Variants in CDH18 observed in about 807,000 individuals in gnomAD.
CDH18 encodes cadherin-18.
CDH18 carries 31 observed loss-of-function variants against 67.9 expected under a neutral mutation model. The ratio of observed to expected loss-of-function variants is 0.46; its 90% CI spans 0.34 to 0.62. CDH18 has a LOEUF of 0.62. Among genes scored for constraint, CDH18 ranks in the 20% least tolerant of loss-of-function variants. The probability of loss-of-function intolerance (pLI) is 0.01; values close to 1 mark genes in which losing one functional copy is unlikely to be tolerated. For synonymous variants in CDH18, 362 were observed against 347.2 expected, an observed-to-expected ratio of 1.04 and a Z score of -0.48; for missense variants, 890 against 975.5, an observed-to-expected ratio of 0.91 and a Z score of 1.17.
chr5:19,495,739 A>AAAG (rs1742214245), intron 11 of CDH18, among the ~76,000 whole-genome samples: 1 of 142,028 alleles, frequency 7.0e-6, no homozygotes, highest in Non-Finnish European at 1.5e-5. Context: ...AAAAAAAAAA[A>AAAG]AAAGAAAGAA....
chr5:20,299,152 C>T (rs1448471359), intron 1 of CDH18, among the ~76,000 whole-genome samples: 1 of 152,020 alleles, frequency 6.6e-6, no homozygotes, highest in Non-Finnish European at 1.5e-5. Context: ...TCACAATAAC[C>T]TCTCTGTTGA....
chr5:19,912,182 A>AC (rs1403812139), intron 2 of CDH18, among the ~76,000 whole-genome samples: 5 of 129,238 alleles, frequency 3.9e-5, no homozygotes, highest in East Asian at 2.3e-4. Flanking sequence ...AACAATAATA[A>AC]TAAAAAAAAA....
intron 3 of CDH18, among the ~76,000 whole-genome samples, chr5:19,787,961 T>C (rs2149803884): frequency 6.6e-6 from 1 of 152,136 alleles, no homozygotes; most frequent in Middle Eastern, 3.4e-3. Flanking sequence ...TAATAGCACC[T>C]ATTAATATTT....
chr5:20,441,127 T>C, intron 1 of CDH18, among the ~76,000 whole-genome samples: 1 of 151,884 alleles, frequency 6.6e-6, no homozygotes, highest in African/African-American at 2.4e-5. Flanking sequence ...GAACAGAATT[T>C]TTGTTTTTAC....
At chr5:19,513,866 C>CT (rs1745507036) in intron 10 of CDH18, among the ~76,000 whole-genome samples, 1 of 151,268 alleles carries the variant, frequency 6.6e-6, no homozygotes, top group African/African-American at 2.4e-5. Flanking sequence ...TTTTTTTATA[C>CT]TTTAAGTTCT....
intron 1 of CDH18, among the ~76,000 whole-genome samples, chr5:20,314,103 A>G (rs1181620116): frequency 6.6e-6 from 1 of 152,072 alleles, no homozygotes; most frequent in Non-Finnish European, 1.5e-5. Flanking sequence ...GGATTCTTGG[A>G]TACTTTGTAG....
At chr5:20,475,057 A>T (rs566448906) in intron 1 of CDH18, among the ~76,000 whole-genome samples, 2,049 of 152,262 alleles carry the variant, frequency 0.013, 50 homozygotes, top group South Asian at 0.049. Context: ...TCCAGAAAAA[A>T]CTTGAGTATC....
intron 8 of CDH18, among the ~76,000 whole-genome samples, chr5:19,564,132 C>G (rs901472): frequency 0.56 from 84,442 of 152,034 alleles, 24,883 homozygotes; most frequent in Middle Eastern, 0.7. Context: ...CCTTAATGAA[C>G]TTGAAAGGCA....
chr5:20,267,882 T>C (rs1019191339), intron 1 of CDH18, among the ~76,000 whole-genome samples: 2 of 152,196 alleles, frequency 1.3e-5, no homozygotes, highest in Non-Finnish European at 2.9e-5. Context: ...AGTTTGAATA[T>C]GATTGGTTGC....
At chr5:19,994,269 G>A (rs1243516051) in intron 2 of CDH18, among the ~76,000 whole-genome samples, 7 of 146,300 alleles carry the variant, frequency 4.8e-5, no homozygotes, top group African/African-American at 7.5e-5. Flanking sequence ...ACACATATAT[G>A]TATACATATA....
intron 1 of CDH18, among the ~76,000 whole-genome samples, chr5:20,566,957 G>T (rs890413748): frequency 2.0e-5 from 3 of 152,106 alleles, no homozygotes; most frequent in Non-Finnish European, 2.9e-5. Context: ...TTAGCCAATT[G>T]TTCAATACTG....
chr5:19,473,186 C>T lies in CDH18; in HGVS notation c.*40G>A, dbSNP rs1293170963. 32 of 1,593,396 alleles carry T rather than the reference C, an allele frequency of 2.0e-5. No individual in the cohort carries two copies. Among genetic ancestry groups the T allele is most frequent in the Non-Finnish European group, 2.7e-5 (31 of 1,168,658 alleles). ...ATTGCTGAGGTTGTATATCCACTTA[C>T]TCAGGAAGCAAATTCCACAAGGTTG... On this transcript the variant is annotated 3_prime_UTR_variant, in exon 13 of 13. Transcript: ENST00000382275.
chr5:19,993,157 A>C (rs896198934), upstream of CDH18, among the ~76,000 whole-genome samples: 7 of 152,168 alleles, frequency 4.6e-5, no homozygotes, highest in Non-Finnish European at 1.0e-4. Flanking sequence ...GTGACATCTC[A>C]AATATAATGA....
chr5:19,505,603 T>G (rs1236623515), intron 10 of CDH18, among the ~76,000 whole-genome samples: 1 of 152,064 alleles, frequency 6.6e-6, no homozygotes, highest in African/African-American at 2.4e-5. Context: ...TGGTTCTGTT[T>G]ATATGCTGGA....
chr5:19,816,692 C>T (rs1005123578), intron 3 of CDH18, among the ~76,000 whole-genome samples: 7 of 151,808 alleles, frequency 4.6e-5, no homozygotes, highest in East Asian at 1.9e-4. Context: ...CTAACATAAG[C>T]AATTTCACTG....
At chr5:19,866,028 A>T (rs1785447416) in intron 2 of CDH18, among the ~76,000 whole-genome samples, 1 of 152,188 alleles carries the variant, frequency 6.6e-6, no homozygotes, top group Admixed American at 6.5e-5. Flanking sequence ...TATTTTTGTC[A>T]AATCTGGATA....
intron 2 of CDH18, among the ~76,000 whole-genome samples, chr5:19,917,446 A>G (rs1791952288): frequency 6.6e-6 from 1 of 151,506 alleles, no homozygotes; most frequent in Admixed American, 6.6e-5. Context: ...TTTAGCAACT[A>G]GGTATGTTAG....
chr5:20,546,383 C>A (rs1322779179), intron 1 of CDH18, among the ~76,000 whole-genome samples: 1 of 144,440 alleles, frequency 6.9e-6, no homozygotes, highest in Non-Finnish European at 1.5e-5. Context: ...CTATATTAGT[C>A]TGCTTTCACA....
chr5:20,180,791 G>C lies in CDH18; in HGVS notation c.-518+74653C>G, dbSNP rs529936707. On this transcript the variant is annotated intron_variant, in intron 2 of 14. Transcript: ENST00000507958. The stretch of plus-strand genomic sequence containing the variant: ...TGTGTCTATTATTTCTCAACCTGCC[G>C]ATCCACCTAGGAACAAAGAGAGAGC... Among the ~76,000 whole-genome samples the C allele has an allele frequency of 6.6e-5, 10 of 151,744 alleles. No homozygotes were observed. The South Asian group carries it at 1.0e-3, about 16-fold the overall frequency.
Sources: allele counts gnomAD v4.1 joint callset (sites outside exome capture counted in the v4.1 genomes callset), GRCh38; gene constraint gnomAD v4.1.1; transcripts MANE v1.5; gene names NCBI Gene and HGNC (gene_info 2026-07-23, HGNC 2026-07-21).